SUGCT: variants seen among roughly 807,000 people sequenced by gnomAD.
SUGCT encodes succinyl-CoA:glutarate-CoA transferase.
A neutral mutation model predicts 55.0 loss-of-function variants in SUGCT; 41 were observed. The ratio of observed to expected loss-of-function variants is 0.74; its 90% CI spans 0.58 to 0.97. The LOEUF (loss-of-function observed/expected upper bound fraction) is 0.97, where lower values mean the gene tolerates loss of function less well. Among genes scored for constraint, SUGCT ranks in the 50% least tolerant of loss-of-function variants. The pLI, the probability that SUGCT is intolerant of heterozygous loss-of-function variation, is 0.00. For synonymous variants in SUGCT, 187 were observed against 200.4 expected, an observed-to-expected ratio of 0.93 and a Z score of 0.56; for missense variants, 568 against 547.8, an observed-to-expected ratio of 1.04 and a Z score of -0.37.
intron 11 of SUGCT, among the ~76,000 whole-genome samples, chr7:40,489,138 A>ATT (rs1012881773): frequency 1.4e-5 from 2 of 145,008 alleles, no homozygotes; most frequent in Admixed American, 1.4e-4. Context: ...AGCATTCTTC[A>ATT]TTTTTTTTTC....
intron 12 of SUGCT, among the ~76,000 whole-genome samples, chr7:40,543,104 T>C (rs1193895687): frequency 6.6e-6 from 1 of 152,192 alleles, no homozygotes; most frequent in Non-Finnish European, 1.5e-5. Flanking sequence ...AATGTTTCAA[T>C]ACGTCTGTTT....
intron 12 of SUGCT, among the ~76,000 whole-genome samples, chr7:40,571,834 A>T (rs1019239940): frequency 3.9e-5 from 6 of 152,212 alleles, no homozygotes; most frequent in African/African-American, 1.4e-4. Context: ...GTGTAAAATG[A>T]TGTTCAAGTG....
chr7:40,685,182 C>T lies in SUGCT; in HGVS notation c.1090-64252C>T, dbSNP rs138101382. Among the ~76,000 whole-genome samples, 161 of 152,136 alleles carry T rather than the reference C, an allele frequency of 1.1e-3. 1 individual carries two copies. Among genetic ancestry groups the T allele is most frequent in the African/African-American group, 3.5e-3 (147 of 41,524 alleles). On this transcript the variant is annotated intron_variant, in intron 12 of 13. Transcript: ENST00000335693. Reference sequence around the variant, plus strand: ...CTTATGAGTATTTTCCTGAATTTAACAATTTTGACTTCATTCATACACTGC... The same window carrying T: ...CTTATGAGTATTTTCCTGAATTTAATAATTTTGACTTCATTCATACACTGC...
At chr7:40,638,428 A>G (rs1047534317) in intron 12 of SUGCT, among the ~76,000 whole-genome samples, 5 of 152,188 alleles carry the variant, frequency 3.3e-5, no homozygotes, top group African/African-American at 1.2e-4. Flanking sequence ...GAGGTCATCT[A>G]TCCTGTGCAT....
chr7:40,955,633 C>T, the SUGCT span, among the ~76,000 whole-genome samples: 1 of 152,154 alleles, frequency 6.6e-6, no homozygotes, highest in South Asian at 2.1e-4. Flanking sequence ...ATTTCTTTCT[C>T]TTGCCTGATT....
intron 11 of SUGCT, among the ~76,000 whole-genome samples, chr7:40,487,148 G>A (rs1791415756): frequency 7.5e-6 from 1 of 132,714 alleles, no homozygotes; most frequent in Non-Finnish European, 1.5e-5. Context: ...GCAATGGCAC[G>A]ATCTCGGCTC....
At chr7:40,237,167 G>C (rs1056096620) in intron 6 of SUGCT, among the ~76,000 whole-genome samples, 6 of 151,132 alleles carry the variant, frequency 4.0e-5, no homozygotes, top group African/African-American at 1.5e-4. Context: ...GGGTAGGCCA[G>C]GCGCGGTGGC....
At chr7:40,402,777 G>A (rs911849232) in intron 9 of SUGCT, among the ~76,000 whole-genome samples, 11 of 152,168 alleles carry the variant, frequency 7.2e-5, no homozygotes, top group African/African-American at 2.4e-4. Context: ...CATCCTGATC[G>A]GGTAGGATTC....
chr7:40,539,489 C>G (rs1794556825), intron 12 of SUGCT: 2 of 152,092 alleles, frequency 1.3e-5, no homozygotes, highest in Non-Finnish European at 2.9e-5. Context: ...AGATTTCTAG[C>G]AGCAAGCAAA....
At chr7:40,399,193 CT>C (rs891665041) in intron 9 of SUGCT, among the ~76,000 whole-genome samples, 1 of 151,806 alleles carries the variant, frequency 6.6e-6, no homozygotes, top group Admixed American at 6.6e-5. Flanking sequence ...ATACTAATTT[CT>C]TATTAGAAAA....
intron 12 of SUGCT, among the ~76,000 whole-genome samples, chr7:40,552,309 CCT>C (rs1339119992): frequency 6.6e-6 from 1 of 152,146 alleles, no homozygotes; most frequent in East Asian, 1.9e-4. Context: ...GCCCTCCATA[CCT>C]CTGTTTCTAA....
intron 11 of SUGCT, among the ~76,000 whole-genome samples, chr7:40,494,193 G>A (rs1791852224): frequency 1.3e-5 from 2 of 149,478 alleles, no homozygotes; most frequent in Non-Finnish European, 1.5e-5. Context: ...GATCTTTCAG[G>A]CCACTTTGGT....
At chr7:40,869,456 T>C in the SUGCT span, among the ~76,000 whole-genome samples, 1 of 152,282 alleles carries the variant, frequency 6.6e-6, no homozygotes, top group East Asian at 1.9e-4. Flanking sequence ...GCCAACAACC[T>C]GAATCAGTTT....
intron 12 of SUGCT, among the ~76,000 whole-genome samples, chr7:40,600,619 A>T (rs950159777): frequency 1.1e-4 from 16 of 152,200 alleles, no homozygotes; most frequent in African/African-American, 3.9e-4. Flanking sequence ...AGCCTCAAAT[A>T]CCTTTGGGAA....
At chr7:40,295,594 C>T (rs202074414) in intron 8 of SUGCT, among the ~76,000 whole-genome samples, 12 of 151,660 alleles carry the variant, frequency 7.9e-5, no homozygotes, top group Admixed American at 2.0e-4. Context: ...AACAAACAAA[C>T]AAATAAAAGA....
At chr7:40,470,747 G>GTCTCTCTCTCTCTCTCTCTC (rs34012862) in intron 11 of SUGCT, among the ~76,000 whole-genome samples, 4 of 146,286 alleles carry the variant, frequency 2.7e-5, no homozygotes, top group African/African-American at 1.0e-4. Context: ...TAAGTGAACA[G>GTCTCTCTCTCTCTCTCTCTC]TCTCTCTCTC....
the SUGCT span, among the ~76,000 whole-genome samples, chr7:40,953,104 T>A: frequency 6.6e-6 from 1 of 152,220 alleles, no homozygotes; most frequent in Non-Finnish European, 1.5e-5. Context: ...AGACGTAGAT[T>A]TGGTCTTTTC....
chr7:41,007,823 C>CAAAAAAAAA, the SUGCT span, among the ~76,000 whole-genome samples: 14 of 104,238 alleles, frequency 1.3e-4, no homozygotes, highest in South Asian at 3.8e-4. Flanking sequence ...AACTGAAATC[C>CAAAAAAAAA]AAAAAAAAAA....
intron 13 of SUGCT, among the ~76,000 whole-genome samples, chr7:40,850,752 T>G (rs996922567): frequency 3.3e-5 from 5 of 152,244 alleles, no homozygotes; most frequent in Non-Finnish European, 7.3e-5. Context: ...TAAAAAACCT[T>G]GTCCCTGACA....
Sources: allele counts gnomAD v4.1 joint callset (sites outside exome capture counted in the v4.1 genomes callset), GRCh38; gene constraint gnomAD v4.1.1; transcripts MANE v1.5; gene names NCBI Gene and HGNC (gene_info 2026-07-23, HGNC 2026-07-21).